Variants in MICU3 observed in about 807,000 individuals in gnomAD.
MICU3 encodes mitochondrial calcium uptake 3, also known as calcium uptake protein 3, mitochondrial.
MICU3 carries 62 observed loss-of-function variants against 66.5 expected under a neutral mutation model. The observed-to-expected ratio is 0.93, with a 90% CI of 0.76 to 1.15. MICU3 has a LOEUF of 1.15. MICU3 is among the 50% of genes most tolerant of loss of function. The pLI is 0.00. For missense variants in MICU3, 779 were observed against 664.4 expected, an observed-to-expected ratio of 1.17 and a Z score of -1.90; for synonymous variants, 308 against 240.7, an observed-to-expected ratio of 1.28 and a Z score of -2.59.
chr8:17,040,071 C>G (rs369310987), intron 1 of MICU3, among the ~76,000 whole-genome samples: 4 of 151,980 alleles, frequency 2.6e-5, no homozygotes, highest in East Asian at 3.9e-4. Context: ...GCACGCCTGG[C>G]TAATTTTTGT....
At chr8:17,081,071 G>C (rs1821109997) in intron 4 of MICU3, among the ~76,000 whole-genome samples, 1 of 152,020 alleles carries the variant, frequency 6.6e-6, no homozygotes, top group Non-Finnish European at 1.5e-5. Flanking sequence ...TTTGAAATTT[G>C]CAAGTATGGA....
chr8:17,110,715 C>T (rs990510833), intron 11 of MICU3, among the ~76,000 whole-genome samples: 2 of 151,640 alleles, frequency 1.3e-5, no homozygotes, highest in African/African-American at 2.4e-5. Flanking sequence ...AGGCATGTCC[C>T]ACTGTACCTG....
At chr8:17,036,968 A>G (rs1010995055) in intron 1 of MICU3, among the ~76,000 whole-genome samples, 1 of 152,218 alleles carries the variant, frequency 6.6e-6, no homozygotes, top group African/African-American at 2.4e-5. Flanking sequence ...CCCCGCGGGA[A>G]GGCAGCTAAG....
intron 1 of MICU3, among the ~76,000 whole-genome samples, chr8:17,036,313 C>T (rs1812974883): frequency 6.6e-6 from 1 of 152,114 alleles, no homozygotes; most frequent in Non-Finnish European, 1.5e-5. Flanking sequence ...CTCATAAAAG[C>T]AGCGTGGACC....
chr8:17,125,481 A>T (rs144052427), downstream of MICU3, among the ~76,000 whole-genome samples: 142 of 152,264 alleles, frequency 9.3e-4, 1 homozygote, highest in Non-Finnish European at 1.9e-3. Context: ...AAGAAATTTG[A>T]ATCTCTGTGT....
In MICU3 at chr8:17,027,485, TGGC is replaced by T. The variant is rs1316790701; in HGVS notation, c.216_218del (p.Ala73del). 5.5e-6 allele frequency: 7 copies of T among 1,282,278 alleles called. No individual in the cohort carries two copies. Among genetic ancestry groups the T allele is most frequent in the African/African-American group, 4.7e-5 (3 of 64,438 alleles). 79.4% of individuals were successfully genotyped at this position (1,282,278 alleles called of 1,614,324 possible). ...CGGCGGCGCTGGGGGGAGCTGAGCG[TGGC>T]GGCGGCGGCCGGCGGGGGGCTGGTC... On this transcript the variant is annotated inframe_deletion, in exon 1 of 15. Transcript: ENST00000318063.
chr8:17,052,558 C>G (rs1380205048), intron 1 of MICU3, among the ~76,000 whole-genome samples: 1 of 152,128 alleles, frequency 6.6e-6, no homozygotes, highest in African/African-American at 2.4e-5. Context: ...CAATTAGAGG[C>G]CTTAAAAATT....
At chr8:17,093,705 C>G (rs1457494065) in intron 8 of MICU3, among the ~76,000 whole-genome samples, 1 of 151,876 alleles carries the variant, frequency 6.6e-6, no homozygotes, top group Admixed American at 6.6e-5. Flanking sequence ...ATTGAATCCT[C>G]TATTATATGC....
intron 1 of MICU3, among the ~76,000 whole-genome samples, chr8:17,032,972 A>G (rs1006427449): frequency 6.6e-5 from 10 of 152,290 alleles, no homozygotes; most frequent in Admixed American, 5.9e-4. Context: ...CCGCACCCAT[A>G]TAAGACAGCA....
At chr8:17,136,025 C>T in the MICU3 span, among the ~76,000 whole-genome samples, 1 of 152,066 alleles carries the variant, frequency 6.6e-6, no homozygotes, top group Non-Finnish European at 1.5e-5. Context: ...AAAAATTGTA[C>T]TTACTCCATG....
chr8:17,096,922 C>T (rs189997157), intron 8 of MICU3, among the ~76,000 whole-genome samples: 136 of 149,762 alleles, frequency 9.1e-4, no homozygotes, highest in African/African-American at 3.3e-3. Context: ...GTTGGTTAAA[C>T]TAATTTTAGT....
intron 11 of MICU3, among the ~76,000 whole-genome samples, chr8:17,108,806 C>T (rs1231046392): frequency 1.3e-5 from 2 of 152,080 alleles, no homozygotes; most frequent in African/African-American, 4.8e-5. Context: ...GATTGCCATT[C>T]TTCTCAAAGT....
chr8:17,119,243 C>T (rs953349787), intron 14 of MICU3, among the ~76,000 whole-genome samples: 1 of 152,116 alleles, frequency 6.6e-6, no homozygotes, highest in African/African-American at 2.4e-5. Flanking sequence ...AGAATTTAAG[C>T]TTCATTCTAT....
intron 3 of MICU3, among the ~76,000 whole-genome samples, chr8:17,070,159 T>C (rs762517793): frequency 5.3e-5 from 8 of 152,038 alleles, no homozygotes; most frequent in African/African-American, 9.7e-5. Flanking sequence ...TGTATATACC[T>C]AGGGAAATTC....
chr8:17,054,515 G>A (rs922947611), intron 1 of MICU3, among the ~76,000 whole-genome samples: 1 of 152,098 alleles, frequency 6.6e-6, no homozygotes, highest in African/African-American at 2.4e-5. Context: ...GAATAATTCA[G>A]TTGCATAATT....
rs572925686 is a variant in MICU3, at chr8:17,037,049, C to T, written c.381+9389C>T. Among the ~76,000 whole-genome samples the T allele has an allele frequency of 1.4e-4, 22 of 152,360 alleles. No homozygotes were observed. In the South Asian group the frequency reaches 3.3e-3, roughly 23 times the overall value. ...GGGGACCCAGTACACCTTCCGCAGC[C>T]ACTGGCCCGGGTGCTAAGTCCCTCA... is the stretch of plus-strand genomic sequence containing the variant. On this transcript the variant is annotated intron_variant, in intron 1 of 14. Transcript: ENST00000318063.
At chr8:17,049,872 T>G (rs1300533339) in intron 1 of MICU3, among the ~76,000 whole-genome samples, 2 of 152,250 alleles carry the variant, frequency 1.3e-5, no homozygotes, top group Non-Finnish European at 2.9e-5. Context: ...CATACATATA[T>G]TCCTATAAGA....
chr8:17,100,081 T>C (rs1801126287), intron 9 of MICU3, among the ~76,000 whole-genome samples: 1 of 151,812 alleles, frequency 6.6e-6, no homozygotes, highest in East Asian at 1.9e-4. Flanking sequence ...CTTTTACAGC[T>C]TCCCAGAGCT....
At chr8:17,118,308 A>G (rs1459992945) in intron 13 of MICU3, among the ~76,000 whole-genome samples, 1 of 152,140 alleles carries the variant, frequency 6.6e-6, no homozygotes, top group Non-Finnish European at 1.5e-5. Flanking sequence ...TAGCATACAA[A>G]TATGTATTTA....
Sources: allele counts gnomAD v4.1 joint callset (sites outside exome capture counted in the v4.1 genomes callset), GRCh38; gene constraint gnomAD v4.1.1; transcripts MANE v1.5; gene names NCBI Gene and HGNC (gene_info 2026-07-23, HGNC 2026-07-21).